The following PKD2 variants were observed in gnomAD, a reference collection of about 807,000 sequenced individuals.
The protein encoded by PKD2 is polycystin-2.
A neutral mutation model predicts 105.9 loss-of-function variants in PKD2; 48 were observed. The observed-to-expected ratio is 0.45, with a 90% CI of 0.36 to 0.58. The LOEUF (loss-of-function observed/expected upper bound fraction) is 0.58. Among genes scored for constraint, PKD2 ranks in the 20% least tolerant of loss-of-function variants. The pLI is 0.00. For missense variants in PKD2, 1,078 were observed against 1,255.3 expected (o/e 0.86, Z 2.13); for synonymous variants, 464 against 481.1 (o/e 0.96, Z 0.46).
chr4:88,065,680 C>T (rs1469190441), intron 11 of PKD2, 82 bp from the exon 12 acceptor site: 8 of 1,221,918 alleles, frequency 6.5e-6, no homozygotes, highest in Non-Finnish European at 9.7e-6. Context: ...TTCTCCTTTC[C>T]TCCTGCATTT....
intron 9 of PKD2, 87 bp from the exon 10 acceptor site, chr4:88,061,819 A>G (rs931100329): frequency 2.6e-5 from 19 of 737,468 alleles, no homozygotes; most frequent in Non-Finnish European, 4.5e-5. Context: ...AAAAGGATAA[A>G]CAAAAAGGCA....
chr4:88,042,935 G>A (rs1363403616), intron 4 of PKD2, among the ~76,000 whole-genome samples: 1 of 152,164 alleles, frequency 6.6e-6, no homozygotes, highest in Admixed American at 6.5e-5. Context: ...ACTGAGCAGA[G>A]GCTCTAGAGC....
chr4:88,021,432 G>A (rs7700163), intron 2 of PKD2, among the ~76,000 whole-genome samples: 6 of 152,076 alleles, frequency 3.9e-5, no homozygotes, highest in African/African-American at 9.6e-5. Flanking sequence ...GAATATTGTC[G>A]CTTTTTGTTC....
At chr4:88,018,561 A>G (rs182851485) in intron 1 of PKD2, among the ~76,000 whole-genome samples, 1 of 152,294 alleles carries the variant, frequency 6.6e-6, no homozygotes, top group Admixed American at 6.5e-5. Flanking sequence ...GGAAAGTGTT[A>G]AGGTTCTTCC....
At chr4:88,010,413 T>C (rs1455547548) in intron 1 of PKD2, among the ~76,000 whole-genome samples, 1 of 152,208 alleles carries the variant, frequency 6.6e-6, no homozygotes, top group Non-Finnish European at 1.5e-5. Flanking sequence ...CTGCTATGAA[T>C]AAACTAGAAT....
chr4:88,067,838 G>A (rs1720852805), intron 12 of PKD2, 60 bp from the exon 13 acceptor site: 2 of 1,495,108 alleles, frequency 1.3e-6, no homozygotes, highest in Admixed American at 3.4e-5. Flanking sequence ...CAAGTCCTTG[G>A]TGAGGCTTCT....
intron 2 of PKD2, among the ~76,000 whole-genome samples, chr4:88,027,792 G>A (rs1158507045): frequency 1.3e-5 from 2 of 150,178 alleles, no homozygotes; most frequent in Non-Finnish European, 3.0e-5. Flanking sequence ...TGATAGTGAG[G>A]GAGTTCTCAT....
intron 4 of PKD2, among the ~76,000 whole-genome samples, chr4:88,041,219 G>T (rs1490930419): frequency 6.6e-6 from 1 of 152,090 alleles, no homozygotes; most frequent in Non-Finnish European, 1.5e-5. Context: ...TTTCCTCCTT[G>T]CCCCAACTTC....
intron 6 of PKD2, among the ~76,000 whole-genome samples, chr4:88,050,360 C>T (rs1386932397): frequency 1.3e-5 from 2 of 152,088 alleles, no homozygotes; most frequent in African/African-American, 4.8e-5. Flanking sequence ...CAGGAATGAA[C>T]AAAATCACCC....
intron 2 of PKD2, among the ~76,000 whole-genome samples, chr4:88,025,239 A>C (rs7690969): frequency 2.2e-4 from 34 of 151,934 alleles, no homozygotes; most frequent in Non-Finnish European, 4.3e-4. Flanking sequence ...GAGAGGATCA[A>C]TTGAGGCCAG....
At chr4:88,031,978 C>T (rs1397811632) in intron 2 of PKD2, among the ~76,000 whole-genome samples, 2 of 152,066 alleles carry the variant, frequency 1.3e-5, no homozygotes, top group African/African-American at 4.8e-5. Flanking sequence ...TATTTTGTTC[C>T]TGATAATTTT....
chr4:88,068,107 A>G (rs1720865119), intron 13 of PKD2, 46 bp downstream of exon 13: 3 of 1,454,154 alleles, frequency 2.1e-6, no homozygotes, highest in African/African-American at 1.4e-5. Context: ...AAGAGTCCAC[A>G]TGAGACCAGG....
rs971827716 is a variant in PKD2, at chr4:88,076,280, C to G, written c.*586C>G. ...GTTAAGATGAATGTTAAATACTATG[C>G]TTTTTTGTAAGTTGATCGTATCTGA... On this transcript the variant is annotated 3_prime_UTR_variant, in exon 15 of 15. Coordinates refer to ENST00000237596, the MANE Select transcript of PKD2 (RefSeq NM_000297.4). 2 of 154,386 alleles carry G rather than the reference C, an allele frequency of 1.3e-5. No individual in the cohort carries two copies. Among genetic ancestry groups the G allele is most frequent in the African/African-American group, 2.4e-5 (1 of 41,396 alleles). 9.6% of individuals were successfully genotyped at this position (154,386 alleles called of 1,614,324 possible).
intron 12 of PKD2, among the ~76,000 whole-genome samples, chr4:88,066,768 C>T (rs946413783): frequency 6.6e-6 from 1 of 151,938 alleles, no homozygotes; most frequent in Non-Finnish European, 1.5e-5. Context: ...AAATTCAAAG[C>T]TTTACCATTA....
chr4:88,025,006 G>C (rs1385394349), intron 2 of PKD2, among the ~76,000 whole-genome samples: 1 of 152,062 alleles, frequency 6.6e-6, no homozygotes, highest in Non-Finnish European at 1.5e-5. Flanking sequence ...GGTGGCAGGT[G>C]CCTGTAATCC....
chr4:88,070,589 TATATATATATATAGAG>T (rs1560629949), intron 13 of PKD2, among the ~76,000 whole-genome samples: 1 of 105,344 alleles, frequency 9.5e-6, no homozygotes, highest in Admixed American at 1.2e-4. Context: ...TATATATATA[TATATATATATATAGAG>T]AGAGAGAGAG....
intron 2 of PKD2, among the ~76,000 whole-genome samples, chr4:88,021,986 A>G (rs1014550757): frequency 3.9e-5 from 6 of 152,204 alleles, no homozygotes; most frequent in Non-Finnish European, 8.8e-5. Flanking sequence ...AAGAAAGCAC[A>G]TGAGCCTCAC....
chr4:88,070,915 A>G (rs1030303201), intron 13 of PKD2, among the ~76,000 whole-genome samples: 21 of 151,796 alleles, frequency 1.4e-4, no homozygotes, highest in Non-Finnish European at 2.1e-4. Flanking sequence ...GGTCACAGGT[A>G]TGAGCCACCG....
rs1253190908 is a variant in PKD2 at position 88,007,925 on chromosome 4, G to A, written c.192G>A (p.Ala64=). ...IEMQRIRQAA[A]RDPPAGAAAS... ...TGCAGCGCATCCGGCAGGCGGCCGC[G>A]CGGGACCCCCCGGCCGGAGCCGCGG... Residue 64 remains alanine (A), a synonymous_variant, in exon 1 of 15, where the codon GCG becomes GCA. Transcript: ENST00000237596. The A allele has an allele frequency of 1.4e-6, 2 of 1,444,154 alleles. No individual in the cohort carries two copies. Among genetic ancestry groups the A allele is most frequent in the African/African-American group, 1.5e-5 (1 of 67,848 alleles). 89.5% of individuals were successfully genotyped at this position (1,444,154 alleles called of 1,614,324 possible).
Sources: gnomAD v4.1 joint callset for allele counts (sites outside exome capture counted in the v4.1 genomes callset) on GRCh38, gnomAD v4.1.1 for gene constraint, MANE v1.5 for transcripts, NCBI Gene and HGNC (gene_info 2026-07-23, HGNC 2026-07-21) for gene names.